Variants in ZDHHC15 observed in about 807,000 individuals in gnomAD.
The protein encoded by ZDHHC15 is palmitoyltransferase ZDHHC15.
In ZDHHC15, 19 loss-of-function variants were observed where a neutral mutation model predicts 31.7. The ratio of observed to expected loss-of-function variants is 0.60; its 90% CI spans 0.42 to 0.88. The LOEUF is 0.88. ZDHHC15 is among the 40% of genes least tolerant of loss of function. The pLI, the probability that ZDHHC15 is intolerant of heterozygous loss-of-function variation, is 0.00. For missense variants in ZDHHC15, 209 were observed against 251.2 expected (o/e 0.83, Z 1.14); for synonymous variants, 103 against 90.0 (o/e 1.14, Z -0.82).
At chrX:75,456,359 G>A (rs891679865) in intron 3 of ZDHHC15, among the ~76,000 whole-genome samples, 1 of 107,569 alleles carries the variant, frequency 9.3e-6, no homozygotes, top group Non-Finnish European at 1.9e-5. Flanking sequence ...GTCATGGGGT[G>A]GGGGGCTGGG....
rs1476742454 is a variant in ZDHHC15, at chrX:75,444,061, A to G, written c.379+6741T>C. 5.7e-4 allele frequency among the ~76,000 whole-genome samples: 63 copies of G among 111,074 alleles called. 1 individual carries two copies. Among genetic ancestry groups the G allele is most frequent in the Middle Eastern group, 4.6e-3 (1 of 217 alleles). On this transcript the variant is annotated intron_variant, in intron 4 of 11. Coordinates refer to ENST00000373367, the MANE Select transcript of ZDHHC15 (RefSeq NM_144969.3). ...CAACCATTGTGAAAGTCAGTGTGGCAATTCCTCAGGGATCTAGAACTAGAA... is the reference window on the plus strand; with the variant it reads ...CAACCATTGTGAAAGTCAGTGTGGCGATTCCTCAGGGATCTAGAACTAGAA...
intron 3 of ZDHHC15, among the ~76,000 whole-genome samples, chrX:75,459,276 G>C (rs1214068931): frequency 9.0e-6 from 1 of 111,263 alleles, no homozygotes; most frequent in Non-Finnish European, 1.9e-5. Flanking sequence ...CCTAAGAAGA[G>C]GGCTAAATCT....
intron 10 of ZDHHC15, among the ~76,000 whole-genome samples, chrX:75,381,079 A>G (rs1046969313): frequency 2.7e-5 from 3 of 111,174 alleles, no homozygotes; most frequent in Non-Finnish European, 5.7e-5. Context: ...ATGACTTTAT[A>G]TAAGTCGCAT....
intron 3 of ZDHHC15, among the ~76,000 whole-genome samples, chrX:75,469,545 T>C (rs2084469566): frequency 5.3e-5 from 6 of 112,179 alleles, no homozygotes; most frequent in Admixed American, 3.8e-4. Context: ...GTTTCGTCCA[T>C]GTGGTAGCAT....
intron 3 of ZDHHC15, among the ~76,000 whole-genome samples, chrX:75,463,747 A>G (rs2084359535): frequency 8.9e-6 from 1 of 111,820 alleles, no homozygotes; most frequent in Admixed American, 9.5e-5. Flanking sequence ...ATGAAATACC[A>G]TCTCACACCA....
At chrX:75,437,392 C>T (rs59544022) in intron 4 of ZDHHC15, among the ~76,000 whole-genome samples, 41,358 of 76,675 alleles carry the variant, frequency 0.54, 11,411 homozygotes, top group Middle Eastern at 0.78. Context: ...CCCACTAACT[C>T]GTCATCTAGC....
intron 2 of ZDHHC15, among the ~76,000 whole-genome samples, chrX:75,494,307 T>A (rs1054505648): frequency 8.1e-5 from 9 of 111,409 alleles, no homozygotes; most frequent in Admixed American, 3.8e-4. Context: ...TGGAAGAACA[T>A]TCCATGCTCA....
intron 10 of ZDHHC15, 108 bp downstream of exon 10, chrX:75,416,979 G>C: frequency 1.7e-6 from 1 of 586,026 alleles, no homozygotes; most frequent in East Asian, 3.6e-5. Context: ...ACCATCCAGA[G>C]GACACTTATG....
intron 3 of ZDHHC15, among the ~76,000 whole-genome samples, chrX:75,475,846 T>G (rs1395364114): frequency 8.9e-6 from 1 of 112,429 alleles, no homozygotes; most frequent in African/African-American, 3.2e-5. Context: ...TTCCAATTCA[T>G]GAATACAGGA....
chrX:75,413,716 A>C (rs1324402448), intron 10 of ZDHHC15, among the ~76,000 whole-genome samples: 2 of 111,226 alleles, frequency 1.8e-5, no homozygotes, highest in Non-Finnish European at 3.8e-5. Context: ...AACAAAAAAA[A>C]ACACAGAACA....
rs750097141 is a variant in ZDHHC15 at position 75,510,559 on chromosome X, TTTA to T, written c.137-4715_137-4713del. 1.4e-3 allele frequency among the ~76,000 whole-genome samples: 142 copies of T among 104,457 alleles called. 2 individuals carry two copies. The highest frequency in any genetic ancestry group is 2.3e-3 in the African/African-American group (66 of 29,130). The allele number at this position is 104,457 out of a possible 115,157, so 90.7% of individuals were successfully genotyped here. On this transcript the variant is annotated intron_variant, in intron 1 of 11. Transcript: ENST00000373367. ...TTTTTTTTTTTTTATCTTTTGTCTT[TTTA>T]TTATTATTATTATTATTATTTTTTA...
At chrX:75,494,627 C>T (rs1208759431) in intron 2 of ZDHHC15, among the ~76,000 whole-genome samples, 2 of 111,583 alleles carry the variant, frequency 1.8e-5, no homozygotes, top group Non-Finnish European at 3.8e-5. Context: ...GAAATAATGC[C>T]GCTTATCTAC....
chrX:75,409,795 T>TAAAAAAAAAAAAA (rs1189768393), intron 10 of ZDHHC15, among the ~76,000 whole-genome samples: 1 of 35,528 alleles, frequency 2.8e-5, no homozygotes, highest in African/African-American at 1.6e-4. Flanking sequence ...ACCCCATCTC[T>TAAAAAAAAAAAAA]AAAAAAAAAA....
At chrX:75,444,819 A>T (rs6647741) in intron 4 of ZDHHC15, among the ~76,000 whole-genome samples, 53 of 104,178 alleles carry the variant, frequency 5.1e-4, no homozygotes, top group Non-Finnish European at 9.0e-4. Context: ...AAAAATTCAG[A>T]GGAAGGGAGA....
chrX:75,503,847 T>C (rs1043674419), intron 2 of ZDHHC15, among the ~76,000 whole-genome samples: 1 of 111,437 alleles, frequency 9.0e-6, no homozygotes, highest in Non-Finnish European at 1.9e-5. Context: ...GGCAGGGCCA[T>C]ACTCTTGCTG....
rs1292086843 is a variant in ZDHHC15, at chrX:75,371,557, G to A, written c.*1421C>T. ...CACTGGAACCCCAACACTAAATTGTGGCAGGCAACTCTTTTTTACTCAAAC... is the reference window on the plus strand; with the variant it reads ...CACTGGAACCCCAACACTAAATTGTAGCAGGCAACTCTTTTTTACTCAAAC... On this transcript the variant is annotated 3_prime_UTR_variant, in exon 12 of 12. Coordinates refer to ENST00000373367, the MANE Select transcript of ZDHHC15 (RefSeq NM_144969.3). 1.8e-5 allele frequency: 2 copies of A among 111,527 alleles called. No homozygotes were observed. The highest frequency in any genetic ancestry group is 3.8e-5 in the Non-Finnish European group (2 of 53,120). The allele number at this position is 111,527 out of a possible 1,213,427, so 9.2% of individuals were successfully genotyped here.
intron 10 of ZDHHC15, among the ~76,000 whole-genome samples, chrX:75,414,646 G>A (rs1408405658): frequency 2.0e-5 from 2 of 99,249 alleles, no homozygotes; most frequent in African/African-American, 7.4e-5. Flanking sequence ...CACTGTGTTA[G>A]CCAGGATGGT....
At chrX:75,433,502 T>G (rs1423027552) in intron 4 of ZDHHC15, among the ~76,000 whole-genome samples, 1 of 109,791 alleles carries the variant, frequency 9.1e-6, no homozygotes, top group Non-Finnish European at 1.9e-5. Flanking sequence ...ATAGCTTAGC[T>G]CTCACTCATA....
At chrX:75,474,524 A>ATATATATATATAAAATCCCCTT (rs1569349170) in intron 3 of ZDHHC15, among the ~76,000 whole-genome samples, 76 of 14,156 alleles carry the variant, frequency 5.4e-3, no homozygotes, top group African/African-American at 7.5e-3. Flanking sequence ...ATATGTGTGT[A>ATATATATATATAAAATCCCCTT]TATATATATA....
Sources: allele counts gnomAD v4.1 joint callset (sites outside exome capture counted in the v4.1 genomes callset), GRCh38; gene constraint gnomAD v4.1.1; transcripts MANE v1.5; gene names NCBI Gene and HGNC (gene_info 2026-07-23, HGNC 2026-07-21).